The following OTUD4 variants were observed in gnomAD, a reference collection of about 807,000 sequenced individuals.
The protein encoded by OTUD4 is OTU deubiquitinase 4.
A neutral mutation model predicts 130.4 loss-of-function variants in OTUD4; 24 were observed. That is an observed-to-expected ratio of 0.18 (90% confidence interval 0.13 to 0.26). OTUD4 has a LOEUF of 0.26. OTUD4 is among the 10% of genes least tolerant of loss of function. The probability of loss-of-function intolerance (pLI) is 1.00; values close to 1 mark genes in which losing one functional copy is unlikely to be tolerated. For synonymous variants in OTUD4, 420 were observed against 472.5 expected, an observed-to-expected ratio of 0.89 and a Z score of 1.44; for missense variants, 1,031 against 1,329.4, an observed-to-expected ratio of 0.78 and a Z score of 3.49.
In OTUD4 at chr4:145,179,789, AGCCCTCCCC is replaced by A; in HGVS notation, c.159+17_159+25del. ...CCGGGCCGTCCCCGCCTCCCCTCGA[AGCCCTCCCC>A]GCCCCCCCGCAATTACCTGCTCCGC... On this transcript the variant is annotated intron_variant, in intron 1 of 20. Transcript: ENST00000447906. 9.1e-7 allele frequency: 1 copy of A among 1,103,820 alleles called. No individual in the cohort carries two copies. Among genetic ancestry groups the A allele is most frequent in the Non-Finnish European group, 1.2e-6 (1 of 807,392 alleles). 68.4% of individuals were successfully genotyped at this position (1,103,820 alleles called of 1,614,324 possible).
intron 13 of OTUD4, among the ~76,000 whole-genome samples, chr4:145,147,595 T>A (rs192367281): frequency 1.3e-5 from 2 of 152,232 alleles, no homozygotes; most frequent in African/African-American, 4.8e-5. Context: ...TTCATCTAGC[T>A]TGAAGACAGA....
rs1173836929 is a variant in OTUD4, at chr4:145,150,846, T to C, written c.1028A>G (p.Lys343Arg). The change falls in exon 12 of 21, where the codon AAG becomes AGG. Residue 343 changes from lysine to arginine, a missense_variant. Transcript: ENST00000447906. Reference protein sequence around the residue: ...PPESWNTVSGKKMKKPSTSGQ... With the variant: ...PPESWNTVSGRKMKKPSTSGQ... ...AGAAGTGGAAGGTTTTTTCATCTTC[T>C]TCCCTGACACTGTGTTCCAGCTTTC... 1 of 1,613,888 alleles carries C rather than the reference T, an allele frequency of 6.2e-7. No homozygotes were observed. The highest frequency in any genetic ancestry group is 8.5e-7 in the Non-Finnish European group (1 of 1,179,952).
chr4:145,160,475 G>T (rs927275520), intron 6 of OTUD4, among the ~76,000 whole-genome samples: 3 of 152,106 alleles, frequency 2.0e-5, no homozygotes, highest in African/African-American at 7.2e-5. Flanking sequence ...ACTCTGATTT[G>T]GTTTTATAAC....
rs1315766593 is a variant in OTUD4 at position 145,162,621 on chromosome 4, A to T, written c.496+19T>A. The T allele has an allele frequency of 8.2e-7, 1 of 1,216,226 alleles. No homozygotes were observed. Among genetic ancestry groups the T allele is most frequent in the Admixed American group, 2.3e-5 (1 of 43,456 alleles). 75.3% of individuals were successfully genotyped at this position (1,216,226 alleles called of 1,614,324 possible). A position where few individuals can be genotyped will look rare whatever the true frequency, so the allele number is the denominator to read the frequency against. The stretch of plus-strand genomic sequence containing the variant: ...GTTTAGGAATATAATTTCCCATATA[A>T]ACACAAGGTGATACTTACACTGACA... On this transcript the variant is annotated intron_variant, in intron 6 of 20. Transcript: ENST00000447906.
chr4:145,152,333 G>C (rs1005723589), intron 11 of OTUD4, among the ~76,000 whole-genome samples: 5 of 152,044 alleles, frequency 3.3e-5, no homozygotes, highest in African/African-American at 1.2e-4. Flanking sequence ...GGATGATCTT[G>C]ATCTCCTGAC....
chr4:145,159,418 G>GAAAGACATTTACTGAAATGT, intron 7 of OTUD4, 85 bp downstream of exon 7: 2 of 1,582,544 alleles, frequency 1.3e-6, no homozygotes, highest in Non-Finnish European at 1.7e-6. Flanking sequence ...ATATGTTATA[G>GAAAGACATTTACTGAAATGT]AAAGACATTT....
intron 3 of OTUD4, among the ~76,000 whole-genome samples, chr4:145,169,150 T>C (rs1383098243): frequency 2.0e-5 from 3 of 152,218 alleles, no homozygotes; most frequent in Non-Finnish European, 2.9e-5. Flanking sequence ...GAGGATTAAC[T>C]GCAAAAAGGC....
intron 7 of OTUD4, among the ~76,000 whole-genome samples, chr4:145,158,048 A>T (rs1308165125): frequency 1.3e-5 from 2 of 152,260 alleles, no homozygotes; most frequent in African/African-American, 4.8e-5. Context: ...ACCGTAAAGC[A>T]AAATTTCTAC....
chr4:145,154,047 A>G (rs1454562430), intron 10 of OTUD4, among the ~76,000 whole-genome samples: 1 of 152,270 alleles, frequency 6.6e-6, no homozygotes, highest in Admixed American at 6.5e-5. Flanking sequence ...CTTTATCAAA[A>G]GCACCTACTT....
intron 8 of OTUD4, 120 bp downstream of exon 8, chr4:145,155,814 TTC>T: frequency 2.0e-6 from 2 of 993,118 alleles, no homozygotes; most frequent in East Asian, 2.6e-5. Flanking sequence ...CCAAATCAAT[TTC>T]TGAGTAGATG....
At chr4:145,144,480 A>C in intron 14 of OTUD4, 46 bp from the exon 15 acceptor site, 1 of 1,574,936 alleles carries the variant, frequency 6.3e-7, no homozygotes, top group South Asian at 1.2e-5. Context: ...AGATTTACCC[A>C]CAGATACATG....
At chr4:145,146,091 A>C in intron 14 of OTUD4, 176 bp downstream of exon 14, 1 of 419,076 alleles carries the variant, frequency 2.4e-6, no homozygotes, top group Non-Finnish European at 4.1e-6. Flanking sequence ...CTCTAGGTCT[A>C]GAGATATTAC....
intron 3 of OTUD4, among the ~76,000 whole-genome samples, chr4:145,166,577 C>G (rs1751887042): frequency 6.6e-6 from 1 of 151,920 alleles, no homozygotes; most frequent in African/African-American, 2.4e-5. Flanking sequence ...TGTGGTGGCT[C>G]ACGCCTGTAA....
intron 6 of OTUD4, among the ~76,000 whole-genome samples, chr4:145,161,120 C>T (rs1425111083): frequency 6.6e-6 from 1 of 151,226 alleles, no homozygotes; most frequent in East Asian, 1.9e-4. Context: ...AAAACAACAA[C>T]AACAACAACA....
intron 11 of OTUD4, 95 bp downstream of exon 11, chr4:145,152,446 A>G: frequency 2.9e-6 from 2 of 701,392 alleles, no homozygotes; most frequent in Non-Finnish European, 2.5e-6. Flanking sequence ...ATTATCTTTC[A>G]TTGAATTTGC....
chr4:145,162,181 C>T (rs1751605948), intron 6 of OTUD4, among the ~76,000 whole-genome samples: 1 of 152,092 alleles, frequency 6.6e-6, no homozygotes, highest in African/African-American at 2.4e-5. Flanking sequence ...AATATTAATA[C>T]TCTTGGTAAT....
intron 8 of OTUD4, 109 bp from the exon 9 acceptor site, chr4:145,155,795 A>C: frequency 1.0e-6 from 1 of 998,578 alleles, no homozygotes; most frequent in South Asian, 1.6e-5. Context: ...TCAAAAAATT[A>C]GGAAGCCACC....
intron 10 of OTUD4, among the ~76,000 whole-genome samples, chr4:145,154,314 C>T (rs1446153455): frequency 2.0e-5 from 3 of 152,228 alleles, no homozygotes; most frequent in Non-Finnish European, 4.4e-5. Flanking sequence ...ATGTTCTCTT[C>T]TCCCTCACCT....
Position 145,156,184 on chromosome 4 carries a change from A to T in OTUD4, c.630-188T>A, listed in dbSNP as rs17019916. Among the ~76,000 whole-genome samples the T allele has an allele frequency of 7.0e-3, 1,061 of 152,374 alleles. 18 individuals are homozygous for T. Among genetic ancestry groups the T allele is most frequent in the African/African-American group, 0.024 (1,018 of 41,592 alleles). On this transcript the variant is annotated intron_variant, in intron 7 of 20. Transcript: ENST00000447906. ...GGTATATGTATGTAAATGTGTGTAT[A>T]TAAGACAGAAGTCAAAGACAACAGT...
Sources: gnomAD v4.1 joint callset for allele counts (sites outside exome capture counted in the v4.1 genomes callset) on GRCh38, gnomAD v4.1.1 for gene constraint, MANE v1.5 for transcripts, NCBI Gene and HGNC (gene_info 2026-07-23, HGNC 2026-07-21) for gene names.